Variants in CHD1L observed in about 807,000 individuals in gnomAD.
The protein encoded by CHD1L is ATP-dependent chromatin remodeler CHD1L.
A neutral mutation model predicts 115.9 loss-of-function variants in CHD1L; 118 were observed. The ratio of observed to expected loss-of-function variants is 1.02; its 90% CI spans 0.88 to 1.19. The LOEUF (loss-of-function observed/expected upper bound fraction) is 1.19. CHD1L is among the 50% of genes most tolerant of loss of function. CHD1L has a pLI of 0.00. For missense variants in CHD1L, 1,179 were observed against 1,065.3 expected (o/e 1.11, Z -1.49); for synonymous variants, 411 against 387.1 (o/e 1.06, Z -0.72).
chr1:147,204,782 C>A, the CHD1L span: 18 of 1,582,432 alleles, frequency 1.1e-5, no homozygotes, highest in Non-Finnish European at 1.5e-5. Context: ...TTTTTCATTC[C>A]ATTTCGTCCA....
the CHD1L span, chr1:147,187,097 T>A: frequency 6.2e-7 from 1 of 1,613,928 alleles, no homozygotes. Context: ...TGGATTGGAG[T>A]GCAGGGTCCC....
At chr1:147,252,879 G>A in intron 2 of CHD1L, 144 bp downstream of exon 2, 1 of 654,388 alleles carries the variant, frequency 1.5e-6, no homozygotes, top group South Asian at 1.9e-5. Flanking sequence ...CTTGCACCGG[G>A]AAAGGGCCTT....
chr1:147,252,480 A>G (rs1029813859), intron 1 of CHD1L, 143 bp from the exon 2 acceptor site: 3 of 591,730 alleles, frequency 5.1e-6, no homozygotes, highest in South Asian at 2.5e-5. Context: ...TTAGATATCC[A>G]TAACTCCTCA....
the CHD1L span, chr1:147,178,940 C>T: frequency 6.2e-7 from 1 of 1,605,818 alleles, no homozygotes. Flanking sequence ...GCTAAAGGTT[C>T]CAACTACTGG....
intron 1 of CHD1L, among the ~76,000 whole-genome samples, chr1:147,243,811 T>G (rs1665714859): frequency 6.6e-6 from 1 of 152,176 alleles, no homozygotes; most frequent in African/African-American, 2.4e-5. Context: ...AGTTTTAGAC[T>G]AGTGAGAGTG....
chr1:147,204,991 G>C, the CHD1L span: 2 of 966,188 alleles, frequency 2.1e-6, no homozygotes, highest in South Asian at 1.3e-5. Context: ...GGAACCAAAG[G>C]TTTTCATGCC....
chr1:147,190,945 C>T, the CHD1L span, among the ~76,000 whole-genome samples: 4 of 151,860 alleles, frequency 2.6e-5, no homozygotes, highest in African/African-American at 9.7e-5. Context: ...TTGGTTTTTT[C>T]TCCTTGTGAT....
At chr1:147,197,541 C>T in the CHD1L span, among the ~76,000 whole-genome samples, 7 of 152,038 alleles carry the variant, frequency 4.6e-5, no homozygotes, top group Non-Finnish European at 8.8e-5. Context: ...TCATACTGCT[C>T]ATGCTGTTCT....
chr1:147,205,959 T>C, the CHD1L span, among the ~76,000 whole-genome samples: 1 of 151,984 alleles, frequency 6.6e-6, no homozygotes, highest in Non-Finnish European at 1.5e-5. Context: ...CAAAAGAAAC[T>C]ACCATCAAAG....
chr1:147,204,826 C>T, the CHD1L span: 3 of 1,603,254 alleles, frequency 1.9e-6, no homozygotes, highest in South Asian at 2.2e-5. Flanking sequence ...AAGCTCCTTG[C>T]AAGCTTGTAT....
chr1:147,268,710 T>A (rs1674932957), intron 9 of CHD1L, 72 bp from the exon 10 acceptor site: 1 of 1,245,488 alleles, frequency 8.0e-7, no homozygotes, highest in African/African-American at 1.5e-5. Flanking sequence ...TGGCTTCTCT[T>A]CCTGTAGCCT....
chr1:147,227,660 A>C, the CHD1L span, among the ~76,000 whole-genome samples: 1 of 152,340 alleles, frequency 6.6e-6, no homozygotes, highest in Non-Finnish European at 1.5e-5. Flanking sequence ...TCATGCTATT[A>C]CTAGACAGCA....
the CHD1L span, among the ~76,000 whole-genome samples, chr1:147,185,745 A>G: frequency 6.6e-6 from 1 of 152,216 alleles, no homozygotes; most frequent in African/African-American, 2.4e-5. Context: ...ACATCACCTG[A>G]GTTCAGTGTG....
Position 147,295,617 on chromosome 1 carries a change from A to G in CHD1L, c.*108A>G. The stretch of plus-strand genomic sequence containing the variant: ...AATCAGGATCTGGTGGGCCTCAGAA[A>G]TTGTCTCTTTTCTGAGTTTCAGTTT... On this transcript the variant is annotated 3_prime_UTR_variant, in exon 23 of 23. Coordinates refer to ENST00000369258, the MANE Select transcript of CHD1L (RefSeq NM_004284.6). 1.3e-6 allele frequency: 1 copy of G among 793,520 alleles called. No individual in the cohort carries two copies. The highest frequency in any genetic ancestry group is 1.9e-6 in the Non-Finnish European group (1 of 513,570). The allele number at this position is 793,520 out of a possible 1,614,324, so 49.2% of individuals were successfully genotyped here. A position where few individuals can be genotyped will look rare whatever the true frequency, so the allele number is the denominator to read the frequency against.
intron 1 of CHD1L, among the ~76,000 whole-genome samples, chr1:147,248,224 T>C (rs1667243359): frequency 6.6e-6 from 1 of 152,086 alleles, no homozygotes; most frequent in Non-Finnish European, 1.5e-5. Flanking sequence ...TTTTTTTCTT[T>C]GAGACGGAGT....
At chr1:147,275,525 A>G in intron 13 of CHD1L, 57 bp downstream of exon 13, 1 of 1,354,152 alleles carries the variant, frequency 7.4e-7, no homozygotes, top group Admixed American at 1.7e-5. Context: ...GGGTTGTGAA[A>G]AAGGTGAAGA....
At chr1:147,283,771 C>T (rs1400325410) in intron 15 of CHD1L, among the ~76,000 whole-genome samples, 1 of 152,148 alleles carries the variant, frequency 6.6e-6, no homozygotes, top group Non-Finnish European at 1.5e-5. Flanking sequence ...GAAAATCCTG[C>T]CTCTTCCAGT....
Position 147,285,393 on chromosome 1 carries a change from G to A in CHD1L, c.1924G>A (p.Asp642Asn), listed in dbSNP as rs1553964751. Residue 642 changes from aspartate to asparagine, a missense_variant, in exon 17 of 23, where the codon GAC becomes AAC. Physicochemically the swap from Asp to Asn is conservative, Grantham distance 23. Coordinates refer to ENST00000369258, the MANE Select transcript of CHD1L (RefSeq NM_004284.6). ...GGTTCTGAGTCCAGAAGAGCTGGAG[G>A]ACAGACAGAAGAAAAGACAAGAAGC... ...KRVLSPEELE[D>N]RQKKRQEAAA... 6.2e-7 allele frequency: 1 copy of A among 1,614,036 alleles called. No homozygotes were observed. Among genetic ancestry groups the A allele is most frequent in the Non-Finnish European group, 8.5e-7 (1 of 1,179,976 alleles).
At chr1:147,217,817 T>C in the CHD1L span, among the ~76,000 whole-genome samples, 31 of 152,342 alleles carry the variant, frequency 2.0e-4, no homozygotes, top group Middle Eastern at 6.8e-3. Flanking sequence ...TTCCTATTTC[T>C]CAGCTTAGGA....
Sources: gnomAD v4.1 joint callset for allele counts (sites outside exome capture counted in the v4.1 genomes callset) on GRCh38, gnomAD v4.1.1 for gene constraint, MANE v1.5 for transcripts, NCBI Gene and HGNC (gene_info 2026-07-23, HGNC 2026-07-21) for gene names.